CNTN5: variants seen among roughly 807,000 people sequenced by gnomAD.
CNTN5 encodes contactin-5.
In CNTN5, 77 loss-of-function variants were observed where a neutral mutation model predicts 129.1. The ratio of observed to expected loss-of-function variants is 0.60; its 90% CI spans 0.50 to 0.72. CNTN5 has a LOEUF of 0.72. Ranked by LOEUF, CNTN5 falls within the 30% of genes least tolerant of loss-of-function variation. The pLI is 0.00. For synonymous variants in CNTN5, 509 were observed against 465.6 expected, an observed-to-expected ratio of 1.09 and a Z score of -1.20; for missense variants, 1,478 against 1,328.8, an observed-to-expected ratio of 1.11 and a Z score of -1.75.
intron 1 of CNTN5, chr11:99,120,243 G>A (rs118094702): frequency 0.047 from 7,206 of 152,220 alleles, 194 homozygotes; most frequent in Middle Eastern, 0.068. Flanking sequence ...ACTGATCACC[G>A]TTGATTCGGC....
intron 13 of CNTN5, among the ~76,000 whole-genome samples, chr11:100,142,098 T>TA (rs1946714248): frequency 6.6e-6 from 1 of 152,152 alleles, no homozygotes; most frequent in East Asian, 1.9e-4. Flanking sequence ...CCTTTGGACT[T>TA]CAGTAGACCC....
intron 1 of CNTN5, among the ~76,000 whole-genome samples, chr11:99,187,211 G>A (rs2135581227): frequency 6.6e-6 from 1 of 151,862 alleles, no homozygotes. Context: ...ACAACCAGGA[G>A]AGAGAAAATT....
intron 20 of CNTN5, among the ~76,000 whole-genome samples, chr11:100,303,264 G>A (rs566294382): frequency 2.0e-5 from 3 of 151,164 alleles, no homozygotes; most frequent in South Asian, 2.1e-4. Context: ...TATACAACAC[G>A]CTAATTTTGG....
intron 6 of CNTN5, among the ~76,000 whole-genome samples, chr11:99,891,964 C>A (rs895668691): frequency 5.3e-5 from 8 of 152,176 alleles, no homozygotes; most frequent in Admixed American, 4.6e-4. Context: ...AAAAGCATTT[C>A]TATCTCTCCA....
At chr11:99,529,712 G>A (rs1947623107) in intron 2 of CNTN5, among the ~76,000 whole-genome samples, 1 of 152,016 alleles carries the variant, frequency 6.6e-6, no homozygotes, top group African/African-American at 2.4e-5. Flanking sequence ...CTCAGGTGAA[G>A]CAACAGTAGT....
At chr11:100,034,766 A>C (rs1340000664) in intron 9 of CNTN5, among the ~76,000 whole-genome samples, 2 of 152,210 alleles carry the variant, frequency 1.3e-5, no homozygotes, top group Non-Finnish European at 2.9e-5. Context: ...TTCTTTAAGA[A>C]AAAGTTTGAT....
chr11:99,978,210 AT>A (rs1205818110), intron 8 of CNTN5, among the ~76,000 whole-genome samples: 1 of 152,202 alleles, frequency 6.6e-6, no homozygotes. Flanking sequence ...GAAAGAAAAC[AT>A]TTTTACAGCT....
chr11:100,097,642 T>C (rs190637153), intron 13 of CNTN5, among the ~76,000 whole-genome samples: 6 of 152,160 alleles, frequency 3.9e-5, no homozygotes, highest in Admixed American at 6.6e-5. Context: ...AAAGGAAGAA[T>C]AGAGTATAGG....
intron 1 of CNTN5, among the ~76,000 whole-genome samples, chr11:99,247,060 A>G (rs1861846640): frequency 6.6e-6 from 1 of 152,190 alleles, no homozygotes; most frequent in Non-Finnish European, 1.5e-5. Context: ...ATAACTTAAT[A>G]GTATAATCAA....
intron 8 of CNTN5, among the ~76,000 whole-genome samples, chr11:99,988,708 G>A (rs555720514): frequency 4.1e-4 from 62 of 152,290 alleles, no homozygotes; most frequent in African/African-American, 1.4e-3. Context: ...GTTAGCAGCA[G>A]GAGTTCATGA....
chr11:99,082,037 T>G (rs1449334695), intron 1 of CNTN5, among the ~76,000 whole-genome samples: 1 of 152,166 alleles, frequency 6.6e-6, no homozygotes, highest in African/African-American at 2.4e-5. Context: ...TAAACTAACT[T>G]TCATTTCTGT....
intron 1 of CNTN5, among the ~76,000 whole-genome samples, chr11:99,207,334 A>G (rs566585521): frequency 3.3e-5 from 5 of 152,306 alleles, no homozygotes; most frequent in Admixed American, 2.6e-4. Flanking sequence ...CTAATCTGAA[A>G]TCAGGTGAAT....
intron 2 of CNTN5, among the ~76,000 whole-genome samples, chr11:99,378,569 T>C (rs1002229149): frequency 2.6e-5 from 4 of 152,178 alleles, no homozygotes; most frequent in East Asian, 3.9e-4. Context: ...AACACAGTGA[T>C]AGAAAAATCA....
At chr11:99,527,372 T>C (rs968274287) in intron 2 of CNTN5, among the ~76,000 whole-genome samples, 2 of 152,200 alleles carry the variant, frequency 1.3e-5, no homozygotes, top group Non-Finnish European at 2.9e-5. Flanking sequence ...AGGTTAAATA[T>C]TATTTCATTC....
chr11:100,304,333 CT>C (rs2138908185), intron 20 of CNTN5, among the ~76,000 whole-genome samples: 1 of 151,658 alleles, frequency 6.6e-6, no homozygotes, highest in South Asian at 2.1e-4. Flanking sequence ...AAATAAGTTT[CT>C]AAACTTTTAT....
intron 6 of CNTN5, among the ~76,000 whole-genome samples, chr11:99,893,689 C>T (rs1012100060): frequency 1.3e-5 from 2 of 152,014 alleles, no homozygotes; most frequent in African/African-American, 4.8e-5. Context: ...TGATTGTCTC[C>T]AATTCAATGA....
intron 7 of CNTN5, among the ~76,000 whole-genome samples, chr11:99,949,161 A>T (rs1413246379): frequency 6.6e-6 from 1 of 152,116 alleles, no homozygotes; most frequent in Non-Finnish European, 1.5e-5. Flanking sequence ...ATGTTGTCAA[A>T]TCATATCTGA....
chr11:99,849,453 A>T (rs1947805708), intron 6 of CNTN5, among the ~76,000 whole-genome samples: 1 of 151,980 alleles, frequency 6.6e-6, no homozygotes, highest in African/African-American at 2.4e-5. Flanking sequence ...ATATTTTAAA[A>T]TGTTCTGCCT....
At chr11:99,165,056 T>G (rs1165771125) in intron 1 of CNTN5, among the ~76,000 whole-genome samples, 2 of 152,192 alleles carry the variant, frequency 1.3e-5, no homozygotes, top group African/African-American at 4.8e-5. Flanking sequence ...TAGCAAACAT[T>G]CTTTAAATAA....
Sources: allele counts gnomAD v4.1 joint callset (sites outside exome capture counted in the v4.1 genomes callset), GRCh38; gene constraint gnomAD v4.1.1; transcripts MANE v1.5; gene names NCBI Gene and HGNC (gene_info 2026-07-23, HGNC 2026-07-21).